Variants in TAS2R1 observed in about 807,000 individuals in gnomAD.
TAS2R1 encodes the protein taste receptor type 2 member 1.
For missense variants in TAS2R1, 370 were observed against 353.4 expected (o/e 1.05, Z -0.38); for synonymous variants, 141 against 134.2 (o/e 1.05, Z -0.35).
At chr5:9,801,878 C>A in the TAS2R1 span, among the ~76,000 whole-genome samples, 1 of 152,182 alleles carries the variant, frequency 6.6e-6, no homozygotes, top group Non-Finnish European at 1.5e-5. Context: ...CCACGGCAAG[C>A]CCTGCCTGGG....
the TAS2R1 span, among the ~76,000 whole-genome samples, chr5:9,763,658 C>G: frequency 6.6e-6 from 1 of 152,110 alleles, no homozygotes; most frequent in South Asian, 2.1e-4. Flanking sequence ...CCTGCTCTGC[C>G]GTGGGGCACT....
the TAS2R1 span, chr5:9,867,206 G>T: frequency 1.3e-5 from 2 of 152,150 alleles, no homozygotes; most frequent in Admixed American, 6.5e-5. Context: ...AAAAGAATTG[G>T]TTTTTGTTGA....
At chr5:9,808,322 G>A in the TAS2R1 span, among the ~76,000 whole-genome samples, 11 of 152,278 alleles carry the variant, frequency 7.2e-5, no homozygotes, top group East Asian at 9.6e-4. Flanking sequence ...CTTGACTAAC[G>A]TGTTCATAAA....
At chr5:9,811,568 T>C in the TAS2R1 span, among the ~76,000 whole-genome samples, 1 of 152,140 alleles carries the variant, frequency 6.6e-6, no homozygotes, top group African/African-American at 2.4e-5. Context: ...GCCGGACGCA[T>C]TTGCTCCATC....
At chr5:9,702,818 A>C (rs1187003955) in intron 1 of TAS2R1, among the ~76,000 whole-genome samples, 18 of 152,088 alleles carry the variant, frequency 1.2e-4, no homozygotes, top group Non-Finnish European at 2.6e-4. Flanking sequence ...AGGAGCCAGC[A>C]AAAGTAAGGG....
chr5:9,890,255 G>A, the TAS2R1 span, among the ~76,000 whole-genome samples: 2 of 152,144 alleles, frequency 1.3e-5, no homozygotes, highest in Non-Finnish European at 1.5e-5. Context: ...CTACGTGATG[G>A]TTAAGAGCAT....
At chr5:9,889,198 A>G in the TAS2R1 span, among the ~76,000 whole-genome samples, 1 of 152,164 alleles carries the variant, frequency 6.6e-6, no homozygotes, top group Non-Finnish European at 1.5e-5. Context: ...CTCAGGGTAC[A>G]TTTCTGGTTG....
At chr5:9,867,709 C>CAAAAAAA in the TAS2R1 span, among the ~76,000 whole-genome samples, 1 of 152,174 alleles carries the variant, frequency 6.6e-6, no homozygotes, top group Non-Finnish European at 1.5e-5. Flanking sequence ...AGCAGTCCTC[C>CAAAAAAA]AAAGTCTTAA....
intron 2 of TAS2R1, among the ~76,000 whole-genome samples, chr5:9,640,037 C>T (rs1740041276): frequency 6.6e-6 from 1 of 152,168 alleles, no homozygotes; most frequent in African/African-American, 2.4e-5. Flanking sequence ...CCTATCATGG[C>T]TCTCAACATG....
At chr5:9,872,803 T>C in the TAS2R1 span, among the ~76,000 whole-genome samples, 2 of 152,186 alleles carry the variant, frequency 1.3e-5, no homozygotes, top group African/African-American at 2.4e-5. Flanking sequence ...CAAAAGATAA[T>C]AACCATACTC....
the TAS2R1 span, among the ~76,000 whole-genome samples, chr5:9,736,170 C>A: frequency 3.9e-5 from 6 of 152,352 alleles, no homozygotes; most frequent in South Asian, 1.2e-3. Context: ...TACTGAAACC[C>A]AAACCCCTGC....
At chr5:9,773,453 A>G in the TAS2R1 span, among the ~76,000 whole-genome samples, 1 of 152,170 alleles carries the variant, frequency 6.6e-6, no homozygotes, top group African/African-American at 2.4e-5. Context: ...AGTAGTTTAC[A>G]CACCACAATT....
the TAS2R1 span, among the ~76,000 whole-genome samples, chr5:9,742,671 A>G: frequency 6.6e-6 from 1 of 152,220 alleles, no homozygotes; most frequent in Non-Finnish European, 1.5e-5. Context: ...TAAATAGACA[A>G]TCTTAACTCA....
At chr5:9,768,106 G>A in the TAS2R1 span, among the ~76,000 whole-genome samples, 1 of 151,886 alleles carries the variant, frequency 6.6e-6, no homozygotes, top group African/African-American at 2.4e-5. Context: ...TACCCATCCA[G>A]CACGCCATCT....
chr5:9,663,296 C>A (rs1740572845), intron 1 of TAS2R1, among the ~76,000 whole-genome samples: 1 of 151,972 alleles, frequency 6.6e-6, no homozygotes, highest in African/African-American at 2.4e-5. Flanking sequence ...TCAACTAAGG[C>A]AATAAATTTT....
the TAS2R1 span, among the ~76,000 whole-genome samples, chr5:9,837,820 T>C: frequency 6.6e-6 from 1 of 152,244 alleles, no homozygotes; most frequent in African/African-American, 2.4e-5. Context: ...GCATCTGGGA[T>C]GTCATCTGTC....
At chr5:9,869,629 T>C in the TAS2R1 span, among the ~76,000 whole-genome samples, 1 of 152,226 alleles carries the variant, frequency 6.6e-6, no homozygotes, top group Non-Finnish European at 1.5e-5. Context: ...TCTAATAAGC[T>C]TCAATAATTG....
chr5:9,664,767 A>C (rs987782558), intron 1 of TAS2R1, among the ~76,000 whole-genome samples: 1 of 152,186 alleles, frequency 6.6e-6, no homozygotes, highest in Non-Finnish European at 1.5e-5. Flanking sequence ...TAAAGGTCTC[A>C]CTGTTACCCC....
At chr5:9,777,103 G>C in the TAS2R1 span, among the ~76,000 whole-genome samples, 1 of 152,160 alleles carries the variant, frequency 6.6e-6, no homozygotes, top group Non-Finnish European at 1.5e-5. Flanking sequence ...CATGAGGGTG[G>C]TTGCTGAAGG....
Sources: allele counts gnomAD v4.1 joint callset (sites outside exome capture counted in the v4.1 genomes callset), GRCh38; gene constraint gnomAD v4.1.1; transcripts MANE v1.5; gene names NCBI Gene and HGNC (gene_info 2026-07-23, HGNC 2026-07-21).